The following MRPS25 variants were observed in gnomAD, a reference collection of about 807,000 sequenced individuals.
MRPS25 encodes the protein mitochondrial ribosomal protein S25, also known as small ribosomal subunit protein mS25.
A neutral mutation model predicts 17.3 loss-of-function variants in MRPS25; 15 were observed. The ratio of observed to expected loss-of-function variants is 0.87; its 90% CI spans 0.58 to 1.34. MRPS25 has a LOEUF of 1.34. MRPS25 is among the 40% of genes most tolerant of loss of function. The probability of loss-of-function intolerance (pLI) is 0.00; values close to 1 mark genes in which losing one functional copy is unlikely to be tolerated. For synonymous variants in MRPS25, 94 were observed against 83.3 expected (o/e 1.13, Z -0.70); for missense variants, 225 against 218.6 (o/e 1.03, Z -0.19).
rs2042541484 is a variant in MRPS25, at chr3:15,048,682, ACAACT to A, written c.*3754_*3758del. Reference sequence around the variant, plus strand: ...ATGGACTCAAATGCTGCTGCCACACACAACTCAAGTGCTGGAATATTTTTCTACAG... The same window carrying A: ...ATGGACTCAAATGCTGCTGCCACACACAAGTGCTGGAATATTTTTCTACAG... On this transcript the variant is annotated 3_prime_UTR_variant, in exon 4 of 4. Coordinates refer to ENST00000253686, the MANE Select transcript of MRPS25 (RefSeq NM_022497.5). The A allele has an allele frequency of 6.6e-6, 1 of 152,638 alleles. No individual in the cohort carries two copies. Among genetic ancestry groups the A allele is most frequent in the African/African-American group, 2.4e-5 (1 of 41,444 alleles). 9.5% of individuals were successfully genotyped at this position (152,638 alleles called of 1,614,324 possible). A position where few individuals can be genotyped will look rare whatever the true frequency, so the allele number is the denominator to read the frequency against.
Position 15,051,263 on chromosome 3 carries a change from G to A in MRPS25, c.*1178C>T. 1.2e-6 allele frequency: 1 copy of A among 865,148 alleles called. No homozygotes were observed. The highest frequency in any genetic ancestry group is 1.4e-6 in the Non-Finnish European group (1 of 720,244). 53.6% of individuals were successfully genotyped at this position (865,148 alleles called of 1,614,324 possible). On this transcript the variant is annotated 3_prime_UTR_variant, in exon 4 of 4. Coordinates refer to ENST00000253686, the MANE Select transcript of MRPS25 (RefSeq NM_022497.5). ...CAGTAGCGCACGATCATGATTCACT[G>A]CAGCCTTGATCTCGCAGGCTCGAGA...
rs1424635156 is a variant in MRPS25 at position 15,065,085 on chromosome 3, T to C, written c.110A>G (p.His37Arg). The C allele has an allele frequency of 2.5e-6, 4 of 1,603,814 alleles. No homozygotes were observed. The South Asian group carries it at 3.4e-5, about 13-fold the overall frequency. ...CCTGGCGCCCTCGCCCAGCTCCCCA[T>C]GCGTGTTGTAATTCACTGTCATGAC... is the stretch of plus-strand genomic sequence containing the variant. ...VKVMTVNYNT[H>R]GELGEGARKF... The change falls in exon 1 of 4, where the codon CAT (histidine) becomes CGT (arginine). Residue 37 changes from histidine to arginine, a missense_variant. By Grantham distance (29) the His-to-Arg change is conservative. Coordinates refer to ENST00000253686, the MANE Select transcript of MRPS25 (RefSeq NM_022497.5).
rs2042597523 is a variant in MRPS25, at chr3:15,051,040, C to A, written c.*1401G>T. On this transcript the variant is annotated 3_prime_UTR_variant, in exon 4 of 4. Transcript: ENST00000253686. ...GCCCCAGCAGGTAGAGGAATGAAAA[C>A]TTCAGTCCTGCTCTGTCAAGCACCA... is the stretch of plus-strand genomic sequence containing the variant. 1 of 981,972 alleles carries A rather than the reference C, an allele frequency of 1.0e-6. No homozygotes were observed. The highest frequency in any genetic ancestry group is 1.7e-5 in the African/African-American group (1 of 57,164). The allele number at this position is 981,972 out of a possible 1,614,324, so 60.8% of individuals were successfully genotyped here.
chr3:15,059,301 T>C lies in MRPS25; in HGVS notation c.241+68A>G, dbSNP rs930142029. 3.4e-5 allele frequency: 37 copies of C among 1,094,058 alleles called. No homozygotes were observed. In the African/African-American group the frequency reaches 4.8e-4, roughly 14 times the overall value. The allele number at this position is 1,094,058 out of a possible 1,614,324, so 67.8% of individuals were successfully genotyped here. A position where few individuals can be genotyped will look rare whatever the true frequency, so the allele number is the denominator to read the frequency against. ...ACTGCAGCTCATCCTGACGCTCCCATAGGAAGGACGCAGTCTCTCCAGGCA... is the reference window on the plus strand; with the variant it reads ...ACTGCAGCTCATCCTGACGCTCCCACAGGAAGGACGCAGTCTCTCCAGGCA... On this transcript the variant is annotated intron_variant, in intron 2 of 3. Transcript: ENST00000253686.
Position 15,049,605 on chromosome 3 carries a change from G to A in MRPS25, c.*2836C>T. The A allele has an allele frequency of 1.5e-5, 7 of 468,126 alleles. No homozygotes were observed. The highest frequency in any genetic ancestry group is 2.2e-5 in the Non-Finnish European group (6 of 268,316). The allele number at this position is 468,126 out of a possible 1,614,324, so 29.0% of individuals were successfully genotyped here. On this transcript the variant is annotated 3_prime_UTR_variant, in exon 4 of 4. Coordinates refer to ENST00000253686, the MANE Select transcript of MRPS25 (RefSeq NM_022497.5). ...AACATTCAGATGCCATTACAGACAG[G>A]CCTTAAATTGGCAAGCTTATTCTCT...
rs774542040 is a variant in MRPS25, at chr3:15,051,766, T to C, written c.*675A>G. On this transcript the variant is annotated 3_prime_UTR_variant, in exon 4 of 4. Coordinates refer to ENST00000253686, the MANE Select transcript of MRPS25 (RefSeq NM_022497.5). Reference sequence around the variant, plus strand: ...CATGGCCTACAAACCTCCCTGCTAATGCACACAGTGGCTGGGCCATGGGTT... The same window carrying C: ...CATGGCCTACAAACCTCCCTGCTAACGCACACAGTGGCTGGGCCATGGGTT... 2.6e-5 allele frequency: 26 copies of C among 985,366 alleles called. No homozygotes were observed. Among genetic ancestry groups the C allele is most frequent in the Non-Finnish European group, 2.9e-5 (24 of 830,012 alleles). 61.0% of individuals were successfully genotyped at this position (985,366 alleles called of 1,614,324 possible).
chr3:15,052,690 G>A (rs1044346549), intron 3 of MRPS25, 57 bp from the exon 4 acceptor site: 20 of 1,570,450 alleles, frequency 1.3e-5, no homozygotes, highest in East Asian at 2.2e-5. Flanking sequence ...GCAGGCACAG[G>A]GCAGTTTCTC....
At chr3:15,053,338 G>T in intron 3 of MRPS25, 42 bp downstream of exon 3, 1 of 1,613,686 alleles carries the variant, frequency 6.2e-7, no homozygotes, top group Non-Finnish European at 8.5e-7. Flanking sequence ...AATTCTCTGG[G>T]CTGAGAAGTT....
downstream of MRPS25, chr3:15,047,829 C>T (rs978671853): frequency 6.6e-6 from 1 of 152,202 alleles, no homozygotes; most frequent in Non-Finnish European, 1.5e-5. Context: ...ATGACTTTAA[C>T]TCCTTTCTAT....
At position 15,051,633 on chromosome 3, in the gene MRPS25, CCA is replaced by C; in HGVS notation, c.*806_*807del. On this transcript the variant is annotated 3_prime_UTR_variant, in exon 4 of 4. Transcript: ENST00000253686. ...GCTCAGTAATGCAGCACTCCCTCCT[CCA>C]GAGCTTGGTAAGCAGGGCCTGAGGG... 1 of 985,674 alleles carries C rather than the reference CCA, an allele frequency of 1.0e-6. No individual in the cohort carries two copies. Among genetic ancestry groups the C allele is most frequent in the Non-Finnish European group, 1.2e-6 (1 of 830,106 alleles). 61.1% of individuals were successfully genotyped at this position (985,674 alleles called of 1,614,324 possible). A position where few individuals can be genotyped will look rare whatever the true frequency, so the allele number is the denominator to read the frequency against.
rs2042588226 is a variant in MRPS25 at position 15,050,486 on chromosome 3, A to G, written c.*1955T>C. 7 of 986,348 alleles carry G rather than the reference A, an allele frequency of 7.1e-6. No individual in the cohort carries two copies. In the South Asian group the frequency reaches 3.3e-4, roughly 46 times the overall value. 61.1% of individuals were successfully genotyped at this position (986,348 alleles called of 1,614,324 possible). A position where few individuals can be genotyped will look rare whatever the true frequency, so the allele number is the denominator to read the frequency against. On this transcript the variant is annotated 3_prime_UTR_variant, in exon 4 of 4. Transcript: ENST00000253686. The stretch of plus-strand genomic sequence containing the variant: ...TGTGTGTCACTAGCTATGGAGACCT[A>G]CACTGCAGATGAAAGCCAAAAGGAA...
Position 15,051,390 on chromosome 3 carries a change from C to G in MRPS25, c.*1051G>C. 3.0e-6 allele frequency: 2 copies of G among 655,876 alleles called. No individual in the cohort carries two copies. Among genetic ancestry groups the G allele is most frequent in the Non-Finnish European group, 3.8e-6 (2 of 529,072 alleles). 40.6% of individuals were successfully genotyped at this position (655,876 alleles called of 1,614,324 possible). A position where few individuals can be genotyped will look rare whatever the true frequency, so the allele number is the denominator to read the frequency against. ...GTAGAGACAAGGTCTTGCCATGTTG[C>G]CCAGGCTGGTCTCGAACTCCTGGGC... On this transcript the variant is annotated 3_prime_UTR_variant, in exon 4 of 4. Transcript: ENST00000253686.
downstream of MRPS25, chr3:15,047,659 TATGACTGAATAA>T (rs1351726550): frequency 6.6e-6 from 1 of 152,230 alleles, no homozygotes; most frequent in Non-Finnish European, 1.5e-5. Context: ...GGCACTGTCC[TATGACTGAATAA>T]ATAGTAATTC....
At chr3:15,059,673 G>A (rs2042722786) in intron 1 of MRPS25, among the ~76,000 whole-genome samples, 198 bp from the exon 2 acceptor site, 1 of 152,144 alleles carries the variant, frequency 6.6e-6, no homozygotes, top group Non-Finnish European at 1.5e-5. Flanking sequence ...CATCTGAGGG[G>A]AAAGAAATCT....
At chr3:15,047,103 G>T (rs1303276209), downstream of MRPS25, 1 of 152,556 alleles carries the variant, frequency 6.6e-6, no homozygotes, top group Non-Finnish European at 1.5e-5. Flanking sequence ...TATAGTGTGT[G>T]TATGTGTACA....
downstream of MRPS25, chr3:15,047,190 A>T (rs1256993086): frequency 1.3e-5 from 2 of 152,578 alleles, no homozygotes; most frequent in Non-Finnish European, 2.9e-5. Flanking sequence ...GCTAATGTAA[A>T]CTGATATGGG....
chr3:15,056,190 G>A (rs1389743716), intron 2 of MRPS25, among the ~76,000 whole-genome samples: 2 of 151,600 alleles, frequency 1.3e-5, no homozygotes, highest in Non-Finnish European at 2.9e-5. Context: ...ACTCCAGCCT[G>A]GGCGACAGAG....
At chr3:15,056,695 A>G (rs2042677738) in intron 2 of MRPS25, among the ~76,000 whole-genome samples, 2 of 152,224 alleles carry the variant, frequency 1.3e-5, no homozygotes, top group Admixed American at 6.5e-5. Flanking sequence ...AAGCCTCCAG[A>G]AAGGAGGGCT....
At chr3:15,045,162 G>A (rs571008042), downstream of MRPS25, 1 of 152,204 alleles carries the variant, frequency 6.6e-6, no homozygotes, top group Non-Finnish European at 1.5e-5. Flanking sequence ...CTGCAGCTCA[G>A]TGGTGCCTCT....
Sources: gnomAD v4.1 joint callset for allele counts (sites outside exome capture counted in the v4.1 genomes callset) on GRCh38, gnomAD v4.1.1 for gene constraint, MANE v1.5 for transcripts, NCBI Gene and HGNC (gene_info 2026-07-23, HGNC 2026-07-21) for gene names.